Variants in GPC5 observed in about 807,000 individuals in gnomAD.
The protein encoded by GPC5 is glypican 5.
GPC5 carries 47 observed loss-of-function variants against 53.9 expected under a neutral mutation model. The ratio of observed to expected loss-of-function variants is 0.87; its 90% confidence interval spans 0.69 to 1.11. The LOEUF (loss-of-function observed/expected upper bound fraction) is 1.11. Ranked by LOEUF, GPC5 falls within the 50% of genes most tolerant of loss-of-function variation. The probability of loss-of-function intolerance (pLI) is 0.00; values close to 1 mark genes in which losing one functional copy is unlikely to be tolerated. For synonymous variants in GPC5, 286 were observed against 263.3 expected (o/e 1.09, Z -0.84); for missense variants, 748 against 713.1 (o/e 1.05, Z -0.56).
chr13:91,690,927 T>G (rs1033446279), intron 2 of GPC5, among the ~76,000 whole-genome samples: 5 of 152,232 alleles, frequency 3.3e-5, no homozygotes, highest in African/African-American at 9.7e-5. Context: ...TTTAACAAAT[T>G]AAGTAATTTT....
chr13:92,409,810 G>A (rs866109479), intron 7 of GPC5, among the ~76,000 whole-genome samples: 2 of 152,094 alleles, frequency 1.3e-5, no homozygotes, highest in Non-Finnish European at 2.9e-5. Context: ...GGACATATTT[G>A]AATAAATTAT....
chr13:91,689,224 TA>T (rs58749435), intron 2 of GPC5, among the ~76,000 whole-genome samples: 33 of 108,800 alleles, frequency 3.0e-4, no homozygotes, highest in African/African-American at 1.3e-3. Context: ...TATATATATA[TA>T]TATATACACA....
chr13:92,207,482 T>G (rs1171087371), intron 7 of GPC5, among the ~76,000 whole-genome samples: 1 of 152,218 alleles, frequency 6.6e-6, no homozygotes, highest in Non-Finnish European at 1.5e-5. Context: ...AGTCTAGTCC[T>G]ACACTATCTG....
chr13:91,709,790 C>T (rs2036187457), intron 3 of GPC5, among the ~76,000 whole-genome samples: 1 of 152,162 alleles, frequency 6.6e-6, no homozygotes, highest in African/African-American at 2.4e-5. Context: ...ATATGATTCC[C>T]CAATGAATAT....
chr13:91,573,822 A>C (rs2032034330), intron 2 of GPC5, among the ~76,000 whole-genome samples: 1 of 152,166 alleles, frequency 6.6e-6, no homozygotes, highest in African/African-American at 2.4e-5. Flanking sequence ...CTCTGATAAG[A>C]GAGTAAGTGC....
rs551339782 is a variant in GPC5 at position 92,861,801 on chromosome 13, C to A, written c.1562-4481C>A. ...AACTGTATATAAATAAAAATATAGA[C>A]CTATATATTTTGTTTACTTCCTCAT... is the stretch of plus-strand genomic sequence containing the variant. On this transcript the variant is annotated intron_variant, in intron 7 of 7. Coordinates refer to ENST00000377067, the MANE Select transcript of GPC5 (RefSeq NM_004466.6). Among the ~76,000 whole-genome samples, 129 of 152,030 alleles carry A rather than the reference C, an allele frequency of 8.5e-4. 1 individual carries two copies. Among genetic ancestry groups the A allele is most frequent in the Non-Finnish European group, 1.5e-3 (102 of 67,992 alleles).
chr13:91,721,207 T>C (rs978621300), intron 3 of GPC5, among the ~76,000 whole-genome samples: 1 of 152,016 alleles, frequency 6.6e-6, no homozygotes, highest in African/African-American at 2.4e-5. Flanking sequence ...CAATCTCAGC[T>C]CACTGCAGCT....
At chr13:91,628,210 G>C (rs1022111970) in intron 2 of GPC5, among the ~76,000 whole-genome samples, 2 of 151,750 alleles carry the variant, frequency 1.3e-5, no homozygotes, top group Non-Finnish European at 2.9e-5. Context: ...ATATAATGTA[G>C]GTTATTAAAA....
At chr13:92,039,222 T>G (rs2138821160) in intron 6 of GPC5, among the ~76,000 whole-genome samples, 1 of 152,302 alleles carries the variant, frequency 6.6e-6, no homozygotes, top group East Asian at 1.9e-4. Context: ...AGAAGCTGGA[T>G]AAAGAAAAGT....
intron 7 of GPC5, among the ~76,000 whole-genome samples, chr13:92,652,290 G>T (rs1885984170): frequency 6.6e-6 from 1 of 152,062 alleles, no homozygotes; most frequent in South Asian, 2.1e-4. Context: ...GACATCAAGT[G>T]TCTTCTCCAA....
chr13:91,726,197 C>T (rs1014651746), intron 3 of GPC5, among the ~76,000 whole-genome samples: 1 of 152,162 alleles, frequency 6.6e-6, no homozygotes, highest in African/African-American at 2.4e-5. Flanking sequence ...GCTTCTTTTA[C>T]TTCTCACTGT....
chr13:91,928,524 T>A lies in GPC5; in HGVS notation c.1401+20467T>A, dbSNP rs548832480. ...TTGGGCAGCCAACAATTGGTCACAC[T>A]GCACATTTCATGTTCCAAAGAGCCT... On this transcript the variant is annotated intron_variant, in intron 6 of 7. Coordinates refer to ENST00000377067, the MANE Select transcript of GPC5 (RefSeq NM_004466.6). Among the ~76,000 whole-genome samples, 8 of 152,298 alleles carry A rather than the reference T, an allele frequency of 5.3e-5. No homozygotes were observed. The South Asian group carries it at 1.2e-3, about 24-fold the overall frequency.
chr13:91,997,131 G>T (rs992189926), intron 6 of GPC5, among the ~76,000 whole-genome samples: 12 of 152,096 alleles, frequency 7.9e-5, no homozygotes, highest in African/African-American at 2.7e-4. Flanking sequence ...GGTTCATAGA[G>T]TTGAATTTTT....
intron 2 of GPC5, among the ~76,000 whole-genome samples, chr13:91,479,503 A>T (rs1196429998): frequency 6.6e-6 from 1 of 152,180 alleles, no homozygotes; most frequent in East Asian, 1.9e-4. Context: ...GAAAAACAGG[A>T]TCTGGTAACA....
intron 6 of GPC5, among the ~76,000 whole-genome samples, chr13:91,964,166 T>C (rs2040156378): frequency 1.3e-5 from 2 of 152,160 alleles, no homozygotes; most frequent in African/African-American, 4.8e-5. Flanking sequence ...ACTTCAGGAT[T>C]GAAGCTGCAG....
chr13:92,653,187 G>A (rs1886011686), intron 7 of GPC5, among the ~76,000 whole-genome samples: 1 of 152,148 alleles, frequency 6.6e-6, no homozygotes, highest in South Asian at 2.1e-4. Context: ...AGAAGGATAG[G>A]GTGAATATGA....
rs9741337 is a variant in GPC5 at position 92,756,445 on chromosome 13, A to G, written c.1562-109837A>G. 2.1e-3 allele frequency among the ~76,000 whole-genome samples: 312 copies of G among 151,566 alleles called. 1 individual carries two copies. Among genetic ancestry groups the G allele is most frequent in the African/African-American group, 7.1e-3 (294 of 41,344 alleles). ...CAAGACAGGGATGCCCTCTCTCACC[A>G]CTCCTATTCAACATAGTGTTGGAAG... On this transcript the variant is annotated intron_variant, in intron 7 of 7. Coordinates refer to ENST00000377067, the MANE Select transcript of GPC5 (RefSeq NM_004466.6).
chr13:92,191,887 T>C (rs2042225182), intron 7 of GPC5, among the ~76,000 whole-genome samples: 2 of 152,200 alleles, frequency 1.3e-5, no homozygotes, highest in African/African-American at 2.4e-5. Context: ...ATATTTTTAA[T>C]TTACAGTAGG....
Position 91,693,666 on chromosome 13 carries a change from C to G in GPC5, c.805C>G (p.Pro269Ala), listed in dbSNP as rs772016088. 9 of 1,614,142 alleles carry G rather than the reference C, an allele frequency of 5.6e-6. No individual in the cohort carries two copies. The highest frequency in any genetic ancestry group is 7.6e-6 in the Non-Finnish European group (9 of 1,180,008). The change falls in exon 3 of 8, where the codon CCT (proline) becomes GCT (alanine). Residue 269 changes from proline to alanine, a missense_variant. Physicochemically the swap from Pro to Ala is conservative, Grantham distance 27. Transcript: ENST00000377067. ...CTGCCAAGGCCTGGCGCTCACTAAGCCTTGTATGGGATACTGCCTCAATGT... is the reference window on the plus strand; with the variant it reads ...CTGCCAAGGCCTGGCGCTCACTAAGGCTTGTATGGGATACTGCCTCAATGT... ...PHCQGLALTK[P>A]CMGYCLNVMR...
Sources: gnomAD v4.1 joint callset for allele counts (sites outside exome capture counted in the v4.1 genomes callset) on GRCh38, gnomAD v4.1.1 for gene constraint, MANE v1.5 for transcripts, NCBI Gene and HGNC (gene_info 2026-07-23, HGNC 2026-07-21) for gene names.